Variants in RUNDC3B observed in about 807,000 individuals in gnomAD.
RUNDC3B encodes RUN domain containing 3B.
RUNDC3B carries 33 observed loss-of-function variants against 58.4 expected under a neutral mutation model. That is an observed-to-expected ratio of 0.56 (90% CI 0.43 to 0.75). RUNDC3B has a LOEUF of 0.75. Ranked by LOEUF, RUNDC3B falls within the 30% of genes least tolerant of loss-of-function variation. RUNDC3B has a pLI of 0.00. For missense variants in RUNDC3B, 501 were observed against 535.7 expected (o/e 0.94, Z 0.64); for synonymous variants, 193 against 195.2 (o/e 0.99, Z 0.10).
intron 3 of RUNDC3B, among the ~76,000 whole-genome samples, chr7:87,708,220 A>G (rs1289213429): frequency 6.6e-6 from 1 of 152,150 alleles, no homozygotes; most frequent in African/African-American, 2.4e-5. Flanking sequence ...TTTTAAAAAG[A>G]TTAATGCAGT....
chr7:87,650,803 A>G lies in RUNDC3B; in HGVS notation c.123-19A>G. On this transcript the variant is annotated intron_variant, in intron 1 of 10. Transcript: ENST00000394654. ...TGAATCAACTCTGCCTAAAAGCAACAATAATCTTTTTTTCATAGGTTTTCT... is the reference window on the plus strand; with the variant it reads ...TGAATCAACTCTGCCTAAAAGCAACGATAATCTTTTTTTCATAGGTTTTCT... 6.7e-7 allele frequency: 1 copy of G among 1,491,520 alleles called. No individual in the cohort carries two copies. The highest frequency in any genetic ancestry group is 1.7e-5 in the Admixed American group (1 of 59,686). The allele number at this position is 1,491,520 out of a possible 1,614,324, so 92.4% of individuals were successfully genotyped here.
intron 10 of RUNDC3B, among the ~76,000 whole-genome samples, chr7:87,829,624 T>A (rs1584311139): frequency 6.6e-6 from 1 of 152,106 alleles, no homozygotes; most frequent in Non-Finnish European, 1.5e-5. Context: ...TCTAGCTTTG[T>A]TCTTTTTTAT....
intron 3 of RUNDC3B, among the ~76,000 whole-genome samples, chr7:87,707,510 C>CA (rs1174779510): frequency 6.6e-6 from 1 of 151,758 alleles, no homozygotes; most frequent in Non-Finnish European, 1.5e-5. Flanking sequence ...CCAGTCTCCA[C>CA]AAAAAATACA....
chr7:87,798,387 CTTGT>C (rs1476046050), intron 8 of RUNDC3B, among the ~76,000 whole-genome samples: 1 of 152,120 alleles, frequency 6.6e-6, no homozygotes, highest in Admixed American at 6.5e-5. Context: ...CAAAACACTT[CTTGT>C]TTGTTTTGTT....
chr7:87,717,167 G>A (rs1238508829), intron 4 of RUNDC3B, among the ~76,000 whole-genome samples: 1 of 152,046 alleles, frequency 6.6e-6, no homozygotes, highest in Non-Finnish European at 1.5e-5. Flanking sequence ...ATCCAAAAGT[G>A]TTTTTTAATA....
chr7:87,710,701 C>G, intron 4 of RUNDC3B, 46 bp downstream of exon 4: 3 of 1,031,894 alleles, frequency 2.9e-6, no homozygotes, highest in African/African-American at 3.3e-5. Flanking sequence ...GAAAGAATCA[C>G]CTGAAGACTC....
intron 9 of RUNDC3B, among the ~76,000 whole-genome samples, chr7:87,809,600 TA>T (rs1836604579): frequency 6.6e-6 from 1 of 152,182 alleles, no homozygotes. Flanking sequence ...TATAAAGTCT[TA>T]TGTTTCTACT....
At chr7:87,672,370 A>G (rs577711134) in intron 2 of RUNDC3B, among the ~76,000 whole-genome samples, 1 of 152,294 alleles carries the variant, frequency 6.6e-6, no homozygotes, top group East Asian at 1.9e-4. Context: ...CCCAAACAGC[A>G]TAGATGGTGG....
chr7:87,676,378 AAACAAC>A (rs145424538), intron 2 of RUNDC3B, among the ~76,000 whole-genome samples: 5 of 151,996 alleles, frequency 3.3e-5, no homozygotes, highest in African/African-American at 4.8e-5. Context: ...ACTCAGTAGA[AAACAAC>A]AACAACAACA....
At chr7:87,671,378 G>C (rs985294093) in intron 2 of RUNDC3B, among the ~76,000 whole-genome samples, 2 of 152,128 alleles carry the variant, frequency 1.3e-5, no homozygotes, top group Non-Finnish European at 2.9e-5. Flanking sequence ...CTACTTGCTC[G>C]GTAGCTCTGG....
At position 87,700,539 on chromosome 7, in the gene RUNDC3B, T is replaced by C. The variant is rs1189104087; in HGVS notation, c.357T>C (p.Ser119=). ...GCATTGAAAATATGGAAAATGTCAGTTCTTCTAGAGCTAAGGTAAGACATT... is the reference window on the plus strand; with the variant it reads ...GCATTGAAAATATGGAAAATGTCAGCTCTTCTAGAGCTAAGGTAAGACATT... ...ICSIENMENV[S]SSRAKGRAWI... Residue 119 remains serine, a synonymous_variant, in exon 3 of 11, where the codon AGT becomes AGC. Transcript: ENST00000394654. 6.2e-7 allele frequency: 1 copy of C among 1,612,896 alleles called. No individual in the cohort carries two copies. Among genetic ancestry groups the C allele is most frequent in the African/African-American group, 1.3e-5 (1 of 74,928 alleles).
At chr7:87,765,769 G>T (rs1433207357) in intron 6 of RUNDC3B, among the ~76,000 whole-genome samples, 1 of 151,932 alleles carries the variant, frequency 6.6e-6, no homozygotes, top group Admixed American at 6.6e-5. Context: ...TATATTCTGT[G>T]GTTATTGGGT....
intron 8 of RUNDC3B, among the ~76,000 whole-genome samples, chr7:87,785,626 G>T (rs993570882): frequency 2.6e-5 from 4 of 152,186 alleles, no homozygotes; most frequent in African/African-American, 7.2e-5. Flanking sequence ...TTTGAGAGGA[G>T]CTGGAAGACA....
chr7:87,663,379 CCT>C lies in RUNDC3B; in HGVS notation c.238+12443_238+12444del, dbSNP rs1206099049. Among the ~76,000 whole-genome samples, 6 of 151,766 alleles carry C rather than the reference CCT, an allele frequency of 4.0e-5. No homozygotes were observed. The East Asian group carries it at 5.8e-4, about 15-fold the overall frequency. ...TTGTCCAGTTCAGCTGCATTCTTCCCCTGTTTTCTCTCTATTTCCATCTATCT... is the reference window on the plus strand; with the variant it reads ...TTGTCCAGTTCAGCTGCATTCTTCCCGTTTTCTCTCTATTTCCATCTATCT... On this transcript the variant is annotated intron_variant, in intron 2 of 10. Coordinates refer to ENST00000394654, the MANE Select transcript of RUNDC3B (RefSeq NM_001134405.2).
At chr7:87,633,868 C>T (rs922185001) in intron 1 of RUNDC3B, among the ~76,000 whole-genome samples, 3 of 152,014 alleles carry the variant, frequency 2.0e-5, no homozygotes, top group Non-Finnish European at 4.4e-5. Flanking sequence ...TTTTGTGTTG[C>T]TATAAAGGAA....
intron 2 of RUNDC3B, among the ~76,000 whole-genome samples, chr7:87,668,444 A>G (rs78968751): frequency 0.01 from 1,554 of 151,964 alleles, 29 homozygotes; most frequent in African/African-American, 0.035. Context: ...CCCTTGGATT[A>G]ATTGATCTTT....
intron 2 of RUNDC3B, among the ~76,000 whole-genome samples, chr7:87,695,691 A>G (rs913705539): frequency 1.3e-5 from 2 of 152,236 alleles, no homozygotes; most frequent in South Asian, 4.1e-4. Flanking sequence ...GAATTAAGTC[A>G]CTTAACAGAT....
At chr7:87,649,156 AGTT>A (rs1357491333) in intron 1 of RUNDC3B, among the ~76,000 whole-genome samples, 1 of 152,140 alleles carries the variant, frequency 6.6e-6, no homozygotes, top group African/African-American at 2.4e-5. Flanking sequence ...AGCATGAGGG[AGTT>A]GTTTGAGGTG....
intron 4 of RUNDC3B, among the ~76,000 whole-genome samples, chr7:87,715,457 AT>A (rs939763137): frequency 1.0e-4 from 12 of 117,974 alleles, no homozygotes; most frequent in African/African-American, 1.2e-4. Flanking sequence ...ATATAATTAT[AT>A]TATATTAATT....
Sources: gnomAD v4.1 joint callset for allele counts (sites outside exome capture counted in the v4.1 genomes callset) on GRCh38, gnomAD v4.1.1 for gene constraint, MANE v1.5 for transcripts, NCBI Gene and HGNC (gene_info 2026-07-23, HGNC 2026-07-21) for gene names.